The following CEP112 variants were observed in gnomAD, a reference collection of about 807,000 sequenced individuals.
CEP112 encodes centrosomal protein of 112 kDa.
A neutral mutation model predicts 153.0 loss-of-function variants in CEP112; 127 were observed. The ratio of observed to expected loss-of-function variants is 0.83; its 90% confidence interval spans 0.72 to 0.96. CEP112 has a LOEUF of 0.96. Among genes scored for constraint, CEP112 ranks in the 40% least tolerant of loss-of-function variants. The pLI, the probability that CEP112 is intolerant of heterozygous loss-of-function variation, is 0.00. For missense variants in CEP112, 1,089 were observed against 1,101.2 expected, an observed-to-expected ratio of 0.99 and a Z score of 0.16; for synonymous variants, 358 against 374.4, an observed-to-expected ratio of 0.96 and a Z score of 0.51.
chr17:66,007,397 GA>G (rs1225590815), intron 16 of CEP112, among the ~76,000 whole-genome samples: 4 of 152,106 alleles, frequency 2.6e-5, no homozygotes, highest in Admixed American at 2.6e-4. Context: ...TTACATGCAG[GA>G]AAAAGAAGTC....
At chr17:66,044,715 A>T (rs1459000462) in intron 12 of CEP112, among the ~76,000 whole-genome samples, 1 of 152,230 alleles carries the variant, frequency 6.6e-6, no homozygotes, top group Admixed American at 6.5e-5. Flanking sequence ...GCAAATGGAG[A>T]ATTATTGTTT....
intron 15 of CEP112, among the ~76,000 whole-genome samples, chr17:66,028,068 TA>T (rs55784107): frequency 5.3e-5 from 2 of 37,436 alleles, no homozygotes; most frequent in African/African-American, 1.4e-4. Context: ...AAATAAAATT[TA>T]TTTTTAAAAC....
In CEP112 at chr17:65,834,788, C is replaced by T. The variant is rs1243791892; in HGVS notation, c.2394+17016G>A. The stretch of plus-strand genomic sequence containing the variant: ...TCAACCATTGTGGAAGGCAGTATGG[C>T]CATTCCTCAAAGAGTTGAAAACAGA... On this transcript the variant is annotated intron_variant, in intron 21 of 26. Coordinates refer to ENST00000535342, the MANE Select transcript of CEP112 (RefSeq NM_001199165.4). Among the ~76,000 whole-genome samples, 6 of 152,134 alleles carry T rather than the reference C, an allele frequency of 3.9e-5. No homozygotes were observed. In the East Asian group the frequency reaches 1.2e-3, roughly 29 times the overall value.
chr17:66,009,312 C>A (rs917255243), intron 16 of CEP112, among the ~76,000 whole-genome samples: 2 of 151,590 alleles, frequency 1.3e-5, no homozygotes, highest in Admixed American at 1.3e-4. Flanking sequence ...TTAGTGATGT[C>A]GAGAATGTTT....
At chr17:65,689,356 C>T in intron 23 of CEP112, 138 bp from the exon 24 acceptor site, 1 of 583,642 alleles carries the variant, frequency 1.7e-6, no homozygotes. Context: ...CAAACAATAC[C>T]AGACTTTTGT....
chr17:66,135,858 T>C (rs1320620159), intron 4 of CEP112, among the ~76,000 whole-genome samples: 1 of 152,048 alleles, frequency 6.6e-6, no homozygotes, highest in Admixed American at 6.6e-5. Flanking sequence ...TAGATATAGA[T>C]ATAGATATAT....
chr17:66,029,572 T>A (rs561398410), intron 13 of CEP112, among the ~76,000 whole-genome samples: 2 of 152,042 alleles, frequency 1.3e-5, no homozygotes, highest in South Asian at 4.1e-4. Context: ...GGCATGGTGG[T>A]GCATGCCTGC....
intron 18 of CEP112, among the ~76,000 whole-genome samples, chr17:65,956,173 C>T (rs2061994219): frequency 6.6e-6 from 1 of 152,010 alleles, no homozygotes; most frequent in Non-Finnish European, 1.5e-5. Flanking sequence ...GTAGTACAAC[C>T]ACTATGGAAA....
At chr17:65,718,487 T>G (rs2049681574) in intron 23 of CEP112, among the ~76,000 whole-genome samples, 1 of 152,144 alleles carries the variant, frequency 6.6e-6, no homozygotes, top group Non-Finnish European at 1.5e-5. Context: ...CTCCTTCAAC[T>G]CATCCCATTA....
intron 12 of CEP112, among the ~76,000 whole-genome samples, chr17:66,049,182 T>G (rs1034188834): frequency 2.6e-5 from 4 of 152,176 alleles, no homozygotes; most frequent in African/African-American, 9.7e-5. Context: ...GAACAGACTC[T>G]AATTGACCAA....
In CEP112 at chr17:66,029,260, C is replaced by A. The variant is rs555093498; in HGVS notation, c.1374-8G>T. The A allele has an allele frequency of 1.9e-5, 31 of 1,603,124 alleles. No individual in the cohort carries two copies. The highest frequency in any genetic ancestry group is 2.6e-5 in the Non-Finnish European group (30 of 1,175,586). On this transcript the variant is annotated splice_region_variant and splice_polypyrimidine_tract_variant and intron_variant, in intron 13 of 26. Transcript: ENST00000535342. ...TTATGCAGTGTGTTACGCCTAAAAA[C>A]AAGAGAATAAAATAGACTTTCAATG...
intron 24 of CEP112, among the ~76,000 whole-genome samples, chr17:65,683,472 A>G (rs115349115): frequency 2.0e-3 from 303 of 152,334 alleles, no homozygotes; most frequent in African/African-American, 7.2e-3. Flanking sequence ...AGACAGCAAG[A>G]CAAGGTAGAA....
intron 20 of CEP112, among the ~76,000 whole-genome samples, chr17:65,888,606 G>A (rs575380108): frequency 6.6e-6 from 1 of 152,018 alleles, no homozygotes; most frequent in African/African-American, 2.4e-5. Context: ...TTGAATTTTG[G>A]AATGCATTCA....
chr17:65,730,784 A>G (rs543824691), intron 23 of CEP112, among the ~76,000 whole-genome samples: 7 of 118,530 alleles, frequency 5.9e-5, no homozygotes, highest in Non-Finnish European at 1.2e-4. Context: ...CCCCCAACCA[A>G]GCCCTTCTGG....
intron 6 of CEP112, among the ~76,000 whole-genome samples, chr17:66,124,494 G>A (rs1166480104): frequency 1.3e-5 from 2 of 152,080 alleles, no homozygotes. Flanking sequence ...AAACAGATGG[G>A]CGCTAACTGC....
chr17:66,011,894 T>C (rs1365641490), intron 16 of CEP112, among the ~76,000 whole-genome samples: 1 of 152,186 alleles, frequency 6.6e-6, no homozygotes, highest in Non-Finnish European at 1.5e-5. Flanking sequence ...TTTATGAGTC[T>C]GGGTGCTCCT....
intron 19 of CEP112, among the ~76,000 whole-genome samples, chr17:65,919,248 A>C (rs774282910): frequency 8.5e-5 from 13 of 152,164 alleles, no homozygotes; most frequent in Non-Finnish European, 1.9e-4. Flanking sequence ...CTCAATAGTA[A>C]AACTACGTTG....
intron 21 of CEP112, among the ~76,000 whole-genome samples, chr17:65,778,939 A>C (rs1598556890): frequency 6.6e-6 from 1 of 152,074 alleles, no homozygotes; most frequent in Non-Finnish European, 1.5e-5. Flanking sequence ...GGTGGAGCCT[A>C]TAGTGAGCTA....
chr17:65,662,536 C>T (rs1240256030), intron 24 of CEP112, among the ~76,000 whole-genome samples: 2 of 152,020 alleles, frequency 1.3e-5, no homozygotes, highest in African/African-American at 4.8e-5. Flanking sequence ...GAAGGCATTT[C>T]TTTAATATTA....
Sources: allele counts gnomAD v4.1 joint callset (sites outside exome capture counted in the v4.1 genomes callset), GRCh38; gene constraint gnomAD v4.1.1; transcripts MANE v1.5; gene names NCBI Gene and HGNC (gene_info 2026-07-23, HGNC 2026-07-21).